Variants in GLIS1 observed in about 807,000 individuals in gnomAD.
GLIS1 encodes the protein GLIS family zinc finger 1, also known as zinc finger protein GLIS1.
In GLIS1, 24 loss-of-function variants were observed where a neutral mutation model predicts 63.8. The observed-to-expected ratio is 0.38, with a 90% CI of 0.27 to 0.53. The LOEUF is 0.53. Among genes scored for constraint, GLIS1 ranks in the 20% least tolerant of loss-of-function variants. The pLI, the probability that GLIS1 is intolerant of heterozygous loss-of-function variation, is 0.85. For synonymous variants in GLIS1, 450 were observed against 482.5 expected, an observed-to-expected ratio of 0.93 and a Z score of 0.88; for missense variants, 1,036 against 1,074.1, an observed-to-expected ratio of 0.96 and a Z score of 0.50.
chr1:53,605,899 TG>T lies in GLIS1; in HGVS notation c.260-5622del, dbSNP rs575782629. Reference sequence around the variant, plus strand: ...TGGGAGGGTAGGTGGCTGGGAGGCCTGTCTCAAGTTTACTTTTGTGCCTACT... The same window carrying T: ...TGGGAGGGTAGGTGGCTGGGAGGCCTTCTCAAGTTTACTTTTGTGCCTACT... On this transcript the variant is annotated intron_variant, in intron 2 of 10. Transcript: ENST00000628545. 2.6e-5 allele frequency among the ~76,000 whole-genome samples: 4 copies of T among 152,322 alleles called. No homozygotes were observed. In the East Asian group the frequency reaches 7.7e-4, roughly 29 times the overall value.
At chr1:53,516,813 A>C (rs1471325660) in intron 7 of GLIS1, among the ~76,000 whole-genome samples, 6 of 151,830 alleles carry the variant, frequency 4.0e-5, no homozygotes, top group African/African-American at 9.7e-5. Context: ...AAAAAAAAAA[A>C]CAAAAAACAA....
chr1:53,524,309 G>T (rs1644441598), intron 6 of GLIS1, among the ~76,000 whole-genome samples: 1 of 152,230 alleles, frequency 6.6e-6, no homozygotes, highest in Non-Finnish European at 1.5e-5. Context: ...ACCCAGAGGG[G>T]CTAAGGTCCC....
At chr1:53,709,965 G>A (rs891061002) in intron 2 of GLIS1, among the ~76,000 whole-genome samples, 1 of 152,180 alleles carries the variant, frequency 6.6e-6, no homozygotes, top group African/African-American at 2.4e-5. Flanking sequence ...ATGGGAGGGG[G>A]ACACTTGTAC....
At chr1:53,722,746 C>T (rs773036001) in intron 2 of GLIS1, among the ~76,000 whole-genome samples, 1 of 150,894 alleles carries the variant, frequency 6.6e-6, no homozygotes, top group Non-Finnish European at 1.5e-5. Flanking sequence ...GGCGGGAAAT[C>T]ACCTGAGCCC....
intron 5 of GLIS1, among the ~76,000 whole-genome samples, chr1:53,527,582 T>C (rs1644484102): frequency 6.6e-6 from 1 of 152,236 alleles, no homozygotes; most frequent in Non-Finnish European, 1.5e-5. Context: ...CAGTCTGTTC[T>C]GAGAAACTTT....
chr1:53,720,718 T>C (rs780272498), intron 2 of GLIS1, among the ~76,000 whole-genome samples: 2 of 152,210 alleles, frequency 1.3e-5, no homozygotes, highest in African/African-American at 2.4e-5. Context: ...ACACGTTGTA[T>C]GCATGTGTCA....
rs928248431 is a variant in GLIS1, at chr1:53,737,875, C to T, written c.190G>A (p.Ala64Thr). ...CTGCGGGGCCGGAGGAGGTCGTGGG[C>T]GCGCGGTGGCGGCGCAGGCGGCCGG... ...LARPPAPPPR[A>T]HDLLRPRSPR... Residue 64 changes from alanine (A) to threonine (T), a missense_variant, in exon 2 of 11, where the codon GCC (alanine) becomes ACC (threonine). Physicochemically the swap from Ala to Thr is moderately conservative, Grantham distance 58 (BLOSUM62 0). Coordinates refer to ENST00000628545, the MANE Select transcript of GLIS1 (RefSeq NM_001367484.1). 10 of 1,230,862 alleles carry T rather than the reference C, an allele frequency of 8.1e-6. No homozygotes were observed. The highest frequency in any genetic ancestry group is 3.1e-4 in the Middle Eastern group (1 of 3,228). 76.2% of individuals were successfully genotyped at this position (1,230,862 alleles called of 1,614,324 possible).
chr1:53,727,576 C>T (rs562162310), intron 2 of GLIS1, among the ~76,000 whole-genome samples: 26 of 152,348 alleles, frequency 1.7e-4, no homozygotes, highest in Non-Finnish European at 3.1e-4. Context: ...TGACAAAAAG[C>T]GCCAATCCTG....
intron 2 of GLIS1, among the ~76,000 whole-genome samples, chr1:53,616,238 G>A (rs1021023608): frequency 2.6e-5 from 4 of 152,114 alleles, no homozygotes; most frequent in South Asian, 2.1e-4. Context: ...TTCAGGGAGC[G>A]ACAGCGATGG....
At chr1:53,544,830 C>T (rs1644681536) in intron 4 of GLIS1, among the ~76,000 whole-genome samples, 1 of 152,214 alleles carries the variant, frequency 6.6e-6, no homozygotes, top group South Asian at 2.1e-4. Context: ...GGCCCAAAGC[C>T]TCTCTGGGTT....
At chr1:53,535,869 C>T (rs1039596986) in intron 4 of GLIS1, among the ~76,000 whole-genome samples, 1 of 152,048 alleles carries the variant, frequency 6.6e-6, no homozygotes, top group Non-Finnish European at 1.5e-5. Flanking sequence ...GATCCTCACC[C>T]TGGCATTCTG....
intron 6 of GLIS1, 35 bp downstream of exon 6, chr1:53,524,742 G>C: frequency 6.6e-7 from 1 of 1,506,644 alleles, no homozygotes; most frequent in Non-Finnish European, 9.2e-7. Context: ...GCGGCTGCGA[G>C]GTGGGAGGAG....
At chr1:53,721,760 G>C (rs781609422) in intron 2 of GLIS1, among the ~76,000 whole-genome samples, 1 of 152,128 alleles carries the variant, frequency 6.6e-6, no homozygotes, top group South Asian at 2.1e-4. Context: ...AATAACAAAC[G>C]ATGGGACGTG....
chr1:53,672,181 T>A (rs2100398799), intron 2 of GLIS1, among the ~76,000 whole-genome samples: 1 of 152,328 alleles, frequency 6.6e-6, no homozygotes, highest in East Asian at 1.9e-4. Context: ...GCCCAGGGTA[T>A]ATCCTAAGCC....
chr1:53,517,192 G>T (rs1320932285), intron 7 of GLIS1, among the ~76,000 whole-genome samples: 1 of 152,036 alleles, frequency 6.6e-6, no homozygotes, highest in Non-Finnish European at 1.5e-5. Flanking sequence ...GGCTAGGAGT[G>T]GCTCCAGCTC....
At chr1:53,695,730 C>T (rs976806858) in intron 2 of GLIS1, among the ~76,000 whole-genome samples, 5 of 152,184 alleles carry the variant, frequency 3.3e-5, no homozygotes, top group Non-Finnish European at 5.9e-5. Flanking sequence ...GAGAAGTGTG[C>T]CGCACCGGGA....
At chr1:53,732,179 C>T (rs995472607) in intron 2 of GLIS1, among the ~76,000 whole-genome samples, 6 of 152,200 alleles carry the variant, frequency 3.9e-5, no homozygotes, top group Non-Finnish European at 7.3e-5. Flanking sequence ...TAACACGATC[C>T]GCCTCGATCC....
intron 5 of GLIS1, 87 bp downstream of exon 5, chr1:53,529,704 A>C: frequency 7.3e-7 from 1 of 1,373,940 alleles, no homozygotes. Flanking sequence ...GTGGGGCTAC[A>C]GGGTAAGGCA....
At chr1:53,703,639 T>TA (rs59555116) in intron 2 of GLIS1, among the ~76,000 whole-genome samples, 1,635 of 71,482 alleles carry the variant, frequency 0.023, 56 homozygotes, top group African/African-American at 0.061. Flanking sequence ...ACCCTGTCTC[T>TA]AAAAAAAAAA....
Sources: gnomAD v4.1 joint callset for allele counts (sites outside exome capture counted in the v4.1 genomes callset) on GRCh38, gnomAD v4.1.1 for gene constraint, MANE v1.5 for transcripts, NCBI Gene and HGNC (gene_info 2026-07-23, HGNC 2026-07-21) for gene names.